The following TTLL10 variants were observed in gnomAD, a reference collection of about 807,000 sequenced individuals.
TTLL10 encodes tubulin tyrosine ligase like 10, also known as inactive polyglycylase TTLL10.
Under a neutral mutation model 69.0 loss-of-function variants are expected in TTLL10, and 61 were observed. The observed-to-expected ratio is 0.88, with a 90% CI of 0.72 to 1.09. TTLL10 has a LOEUF of 1.09. TTLL10 is among the 50% of genes least tolerant of loss of function. The probability of loss-of-function intolerance (pLI) is 0.00; values close to 1 mark genes in which losing one functional copy is unlikely to be tolerated. For synonymous variants in TTLL10, 408 were observed against 393.3 expected (o/e 1.04, Z -0.44); for missense variants, 962 against 945.9 (o/e 1.02, Z -0.22).
At chr1:1,179,095 C>T (rs1646958942) in intron 3 of TTLL10, 94 bp from the exon 4 acceptor site, 2 of 821,758 alleles carry the variant, frequency 2.4e-6, no homozygotes, top group East Asian at 2.8e-5. Context: ...CTTTCCTGGG[C>T]AGGGTGGGCC....
chr1:1,195,004 T>C (rs1023455585), intron 13 of TTLL10, among the ~76,000 whole-genome samples: 1 of 152,184 alleles, frequency 6.6e-6, no homozygotes, highest in African/African-American at 2.4e-5. Flanking sequence ...CTTTCATTTT[T>C]TGTTTTGAGA....
At chr1:1,186,903 T>G (rs12064046) in intron 13 of TTLL10, among the ~76,000 whole-genome samples, 15,081 of 150,462 alleles carry the variant, frequency 0.1, 864 homozygotes, top group East Asian at 0.15. Flanking sequence ...TGGAGTGCAG[T>G]GATGTGATTC....
intron 13 of TTLL10, among the ~76,000 whole-genome samples, chr1:1,188,504 A>G (rs1647509789): frequency 1.3e-5 from 2 of 151,238 alleles, no homozygotes. Context: ...TCCCAGGTTC[A>G]AGCGATTCTC....
chr1:1,178,020 C>T (rs978273122), intron 3 of TTLL10, among the ~76,000 whole-genome samples: 7 of 152,204 alleles, frequency 4.6e-5, no homozygotes, highest in Non-Finnish European at 4.4e-5. Context: ...CAGACGGCTG[C>T]CTCAGTTTCC....
rs758836553 is a variant in TTLL10, at chr1:1,183,962, C to T, written c.1131C>T (p.Asp377=). The T allele has an allele frequency of 7.3e-5, 118 of 1,614,222 alleles. No individual in the cohort carries two copies. Among genetic ancestry groups the T allele is most frequent in the East Asian group, 2.9e-4 (13 of 44,890 alleles). ...NPLLVDGRKF[D]VRSYLLIACT... The stretch of plus-strand genomic sequence containing the variant: ...TGCTGGTGGACGGGAGAAAGTTTGA[C>T]GTGCGCTCCTACCTGCTCATTGCCT... Residue 377 remains aspartate (D), a synonymous_variant, in exon 12 of 16, where the codon GAC becomes GAT. Transcript: ENST00000379289.
chr1:1,189,819 A>G (rs1647607338), intron 13 of TTLL10, among the ~76,000 whole-genome samples: 1 of 152,134 alleles, frequency 6.6e-6, no homozygotes, highest in South Asian at 2.1e-4. Flanking sequence ...TTTGCTAAGA[A>G]TTTGTCCATT....
chr1:1,196,483 G>A (rs537516082), intron 13 of TTLL10, 117 bp from the exon 14 acceptor site: 1 of 738,564 alleles, frequency 1.4e-6, no homozygotes. Flanking sequence ...AGGTGTGGCT[G>A]TACAGGTGCG....
chr1:1,193,331 T>A (rs968100047), intron 13 of TTLL10, among the ~76,000 whole-genome samples: 5 of 151,998 alleles, frequency 3.3e-5, no homozygotes, highest in Admixed American at 1.3e-4. Flanking sequence ...TCTCAAAAAA[T>A]AATAATAATA....
chr1:1,179,765 C>CT, intron 5 of TTLL10, 28 bp downstream of exon 5: 2 of 1,528,930 alleles, frequency 1.3e-6, no homozygotes, highest in Non-Finnish European at 1.8e-6. Context: ...GGCGACCTCC[C>CT]TGCCCCCTGC....
In TTLL10 at chr1:1,185,893, C is replaced by A; in HGVS notation, c.1401+784C>A. 1.1e-6 allele frequency: 1 copy of A among 946,080 alleles called. No homozygotes were observed. Among genetic ancestry groups the A allele is most frequent in the Non-Finnish European group, 1.3e-6 (1 of 794,106 alleles). 58.6% of individuals were successfully genotyped at this position (946,080 alleles called of 1,614,324 possible). A position where few individuals can be genotyped will look rare whatever the true frequency, so the allele number is the denominator to read the frequency against. On this transcript the variant is annotated intron_variant, in intron 13 of 15. Transcript: ENST00000379289. The surrounding 1 kb of genome is among the most constrained non-coding windows in gnomAD (Gnocchi z 6.1). ...TGCAGTTCAGTGGCTTTTAGTATTT[C>A]AAAAGTTGTGCAATTATCACCACCA...
rs143407974 is a variant in TTLL10, at chr1:1,194,322, T to G, written c.1402-2278T>G. ...CACAAATTACAGCTCAGTATATTTGTGTCCATCAACATGGATTCATAATTA... is the reference window on the plus strand; with the variant it reads ...CACAAATTACAGCTCAGTATATTTGGGTCCATCAACATGGATTCATAATTA... On this transcript the variant is annotated intron_variant, in intron 13 of 15. Transcript: ENST00000379289. Among the ~76,000 whole-genome samples the G allele has an allele frequency of 2.3e-3, 353 of 152,362 alleles. 5 individuals carry two copies. The highest frequency in any genetic ancestry group is 8.2e-3 in the African/African-American group (339 of 41,580).
At chr1:1,178,412 T>C (rs1015672093) in intron 3 of TTLL10, among the ~76,000 whole-genome samples, 6 of 152,056 alleles carry the variant, frequency 3.9e-5, no homozygotes, top group Non-Finnish European at 2.9e-5. Context: ...ATACAAAAAG[T>C]TAGCTGGGCA....
chr1:1,193,493 C>T (rs1467600913), intron 13 of TTLL10, among the ~76,000 whole-genome samples: 3 of 148,248 alleles, frequency 2.0e-5, no homozygotes, highest in African/African-American at 5.0e-5. Flanking sequence ...AACGGAGTTT[C>T]GCTCTTGTTG....
Position 1,183,861 on chromosome 1 carries a change from G to A in TTLL10, c.1089-59G>A, listed in dbSNP as rs1301246171. On this transcript the variant is annotated intron_variant, in intron 11 of 15. Transcript: ENST00000379289. ...AACAGGCCCGGGGTGGGGTGTGAGG[G>A]GATGCAGGCCAGGCTGGCCCCGTGG... The A allele has an allele frequency of 1.9e-6, 3 of 1,602,890 alleles. No individual in the cohort carries two copies. In the African/African-American group the frequency reaches 4.0e-5, roughly 21 times the overall value.
chr1:1,179,001 C>T (rs1171055559), intron 3 of TTLL10, among the ~76,000 whole-genome samples, 188 bp from the exon 4 acceptor site: 2 of 152,236 alleles, frequency 1.3e-5, no homozygotes, highest in African/African-American at 4.8e-5. Flanking sequence ...GCCTCGCCCC[C>T]ACACGGCGCC....
At chr1:1,193,745 G>C (rs1042676004) in intron 13 of TTLL10, among the ~76,000 whole-genome samples, 5 of 152,178 alleles carry the variant, frequency 3.3e-5, no homozygotes, top group Admixed American at 6.5e-5. Flanking sequence ...GATTACAGGC[G>C]TGAGCCACCA....
chr1:1,177,162 G>A (rs984906356), intron 3 of TTLL10, among the ~76,000 whole-genome samples: 2 of 151,578 alleles, frequency 1.3e-5, no homozygotes, highest in Admixed American at 6.6e-5. Context: ...ATGTTTATAG[G>A]TGTGTGTGTG....
In TTLL10 at chr1:1,179,212, G is replaced by C; in HGVS notation, c.-4G>C. 1.3e-6 allele frequency: 2 copies of C among 1,539,740 alleles called. No individual in the cohort carries two copies. Among genetic ancestry groups the C allele is most frequent in the Non-Finnish European group, 1.8e-6 (2 of 1,141,284 alleles). ...AGGGCCCTCGCCCGGGCACCCCCCG[G>C]CCAATGGACCACAGCTGCACCCGGT... On this transcript the variant is annotated 5_prime_UTR_variant, in exon 4 of 16. Transcript: ENST00000379289.
At position 1,180,606 on chromosome 1, in the gene TTLL10, C is replaced by T. The variant is rs1175517156; in HGVS notation, c.625+5C>T. 7 of 1,551,702 alleles carry T rather than the reference C, an allele frequency of 4.5e-6. No homozygotes were observed. The highest frequency in any genetic ancestry group is 4.1e-5 in the African/African-American group (3 of 73,268). On this transcript the variant is annotated splice_donor_5th_base_variant and intron_variant, in intron 7 of 15. Coordinates refer to ENST00000379289, the MANE Select transcript of TTLL10 (RefSeq NM_001130045.2). ...GCTACGGCAGCTTCCGGGAAGGTAG[C>T]GGGAGCCGGCACCAGAGGCGGGCAG... is the stretch of plus-strand genomic sequence containing the variant.
Sources: gnomAD v4.1 joint callset for allele counts (sites outside exome capture counted in the v4.1 genomes callset) on GRCh38, gnomAD v4.1.1 for gene constraint, Gnocchi (gnomAD v3.1) non-coding constraint, MANE v1.5 for transcripts, NCBI Gene and HGNC (gene_info 2026-07-23, HGNC 2026-07-21) for gene names.